Variants in OSBP2 observed in about 807,000 individuals in gnomAD.
The protein encoded by OSBP2 is oxysterol-binding protein 2.
Under a neutral mutation model 96.0 loss-of-function variants are expected in OSBP2, and 66 were observed. That is an observed-to-expected ratio of 0.69 (90% CI 0.56 to 0.84). The LOEUF (loss-of-function observed/expected upper bound fraction) is 0.84. Among genes scored for constraint, OSBP2 ranks in the 40% least tolerant of loss-of-function variants. The pLI is 0.00. For synonymous variants in OSBP2, 525 were observed against 520.9 expected (o/e 1.01, Z -0.11); for missense variants, 1,038 against 1,222.7 (o/e 0.85, Z 2.25).
chr22:30,822,502 GCGCCGGGACCCACGAGTGTCCGCCGCCTC>G (rs2038296403), intron 2 of OSBP2: 2 of 1,132,852 alleles, frequency 1.8e-6, no homozygotes, highest in Admixed American at 7.6e-5. Flanking sequence ...TGGTAACGCG[GCGCCGGGACCCACGAGTGTCCGCCGCCTC>G]CGCCGGGCGG....
At chr22:30,843,452 C>CCA (rs1555919411) in intron 2 of OSBP2, among the ~76,000 whole-genome samples, 2 of 83,748 alleles carry the variant, frequency 2.4e-5, no homozygotes. Context: ...TTTCCCCCCT[C>CCA]CCCCTTGAGC....
intron 2 of OSBP2, among the ~76,000 whole-genome samples, chr22:30,849,953 A>AT (rs1200662013): frequency 6.6e-6 from 1 of 151,818 alleles, no homozygotes; most frequent in Non-Finnish European, 1.5e-5. Flanking sequence ...TTCAAGTACT[A>AT]TTTTTTTTAA....
intron 2 of OSBP2, among the ~76,000 whole-genome samples, chr22:30,757,404 G>A (rs1602223145): frequency 1.3e-5 from 2 of 151,764 alleles, no homozygotes; most frequent in Admixed American, 6.6e-5. Flanking sequence ...TGGTTTTATC[G>A]CTGTTTTCTT....
chr22:30,821,658 G>A (rs1357198425), intron 2 of OSBP2, among the ~76,000 whole-genome samples: 3 of 152,150 alleles, frequency 2.0e-5, no homozygotes, highest in South Asian at 2.1e-4. Flanking sequence ...CGGAGATTTC[G>A]GTGGGCTGCC....
chr22:30,768,194 C>T (rs1015640690), intron 2 of OSBP2, among the ~76,000 whole-genome samples: 1 of 152,022 alleles, frequency 6.6e-6, no homozygotes, highest in Non-Finnish European at 1.5e-5. Flanking sequence ...GGATTTTCAC[C>T]CTGGGGGTGA....
intron 1 of OSBP2, among the ~76,000 whole-genome samples, chr22:30,714,372 T>C (rs2089410421): frequency 6.6e-6 from 1 of 152,158 alleles, no homozygotes; most frequent in African/African-American, 2.4e-5. Flanking sequence ...AATATGGAAG[T>C]GCAGATATCT....
chr22:30,827,092 C>A (rs78963284), intron 2 of OSBP2, among the ~76,000 whole-genome samples: 10,102 of 152,114 alleles, frequency 0.066, 484 homozygotes, highest in Non-Finnish European at 0.095. Flanking sequence ...GAGTAAGTGG[C>A]AGGTGAGGAT....
rs575710667 is a variant in OSBP2 at position 30,880,570 on chromosome 22, G to A, written c.1108-6856G>A. ...GGTGCCTCCCTCACATCCCTGTCTA[G>A]AAGGGAAGTTTCCAGGAAGCCACTG... On this transcript the variant is annotated intron_variant, in intron 3 of 13. Coordinates refer to ENST00000332585, the MANE Select transcript of OSBP2 (RefSeq NM_030758.4). 1.3e-3 allele frequency among the ~76,000 whole-genome samples: 203 copies of A among 152,308 alleles called. 1 individual carries two copies. The highest frequency in any genetic ancestry group is 0.013 in the South Asian group (62 of 4,832).
At chr22:30,806,953 G>A (rs143880878) in intron 2 of OSBP2, among the ~76,000 whole-genome samples, 2 of 152,280 alleles carry the variant, frequency 1.3e-5, no homozygotes, top group East Asian at 3.9e-4. Context: ...AGCACCTACT[G>A]CCAACAGCCT....
At chr22:30,819,936 G>A (rs2091127722) in intron 2 of OSBP2, among the ~76,000 whole-genome samples, 2 of 152,184 alleles carry the variant, frequency 1.3e-5, no homozygotes, top group African/African-American at 2.4e-5. Context: ...AGGACAGAGG[G>A]CACAGTTCTG....
chr22:30,866,653 C>T (rs1287778506), intron 2 of OSBP2, among the ~76,000 whole-genome samples: 4 of 152,104 alleles, frequency 2.6e-5, no homozygotes, highest in Non-Finnish European at 5.9e-5. Flanking sequence ...GGGAGAATCG[C>T]GTGAACCTGG....
chr22:30,902,124 A>C (rs199910969), intron 12 of OSBP2: 1 of 180,572 alleles, frequency 5.5e-6, no homozygotes, highest in Admixed American at 1.2e-4. Flanking sequence ...AAAAAAAAAA[A>C]CGAAAAAAAA....
chr22:30,856,373 C>CTT lies in OSBP2; in HGVS notation c.854-14027_854-14026dup, dbSNP rs56875088. Among the ~76,000 whole-genome samples the CTT allele has an allele frequency of 8.4e-3, 849 of 101,300 alleles. 57 individuals are homozygous for CTT. The highest frequency in any genetic ancestry group is 0.012 in the Admixed American group (105 of 8,764). The allele number at this position is 101,300 out of a possible 152,430, so 66.5% of individuals were successfully genotyped here. On this transcript the variant is annotated intron_variant, in intron 2 of 13. Transcript: ENST00000332585. ...CTTGGCAGTTGGAAACAGAGCCCTTCTTTTTTTTTTTTTTTTTTTTTTTTT... is the reference window on the plus strand; with the variant it reads ...CTTGGCAGTTGGAAACAGAGCCCTTCTTTTTTTTTTTTTTTTTTTTTTTTTTT...
chr22:30,767,856 A>G (rs981343285), intron 2 of OSBP2, among the ~76,000 whole-genome samples: 1 of 152,126 alleles, frequency 6.6e-6, no homozygotes, highest in African/African-American at 2.4e-5. Flanking sequence ...TGGCCTCATC[A>G]CGGGCCCTGC....
At chr22:30,775,286 T>C (rs543899914) in intron 2 of OSBP2, among the ~76,000 whole-genome samples, 4 of 152,196 alleles carry the variant, frequency 2.6e-5, no homozygotes, top group Admixed American at 2.0e-4. Context: ...TTTCACTGTG[T>C]ATCTCTAAAA....
At chr22:30,797,656 A>G (rs957512438) in intron 2 of OSBP2, among the ~76,000 whole-genome samples, 4 of 151,892 alleles carry the variant, frequency 2.6e-5, no homozygotes, top group African/African-American at 9.7e-5. Flanking sequence ...CAGTGGCACA[A>G]TCAAGGCTCA....
At chr22:30,869,045 C>A (rs1336324345) in intron 2 of OSBP2, among the ~76,000 whole-genome samples, 1 of 152,152 alleles carries the variant, frequency 6.6e-6, no homozygotes, top group East Asian at 1.9e-4. Context: ...CTCTTGGTGT[C>A]CTGTGCCATT....
At position 30,900,852 on chromosome 22, in the gene OSBP2, A is replaced by G. The variant is rs142149272; in HGVS notation, c.2376-4985A>G. ...AATATCTTTTAGACCCTAAGGAAAT[A>G]TTAAGACACAAGCATTCATATATTT... is the stretch of plus-strand genomic sequence containing the variant. On this transcript the variant is annotated intron_variant, in intron 12 of 13. Coordinates refer to ENST00000332585, the MANE Select transcript of OSBP2 (RefSeq NM_030758.4). Among the ~76,000 whole-genome samples, 25 of 152,372 alleles carry G rather than the reference A, an allele frequency of 1.6e-4. No individual in the cohort carries two copies. In the Middle Eastern group the frequency reaches 0.01, roughly 62 times the overall value.
intron 2 of OSBP2, among the ~76,000 whole-genome samples, chr22:30,838,471 G>A (rs758030698): frequency 8.5e-5 from 13 of 152,120 alleles, no homozygotes; most frequent in South Asian, 2.1e-4. Flanking sequence ...TTTTTCTTAC[G>A]TTATTCCATT....
Sources: allele counts gnomAD v4.1 joint callset (sites outside exome capture counted in the v4.1 genomes callset), GRCh38; gene constraint gnomAD v4.1.1; transcripts MANE v1.5; gene names NCBI Gene and HGNC (gene_info 2026-07-23, HGNC 2026-07-21).